CDK6: variants seen among roughly 807,000 people sequenced by gnomAD.
CDK6 encodes the protein cyclin dependent kinase 6, also known as cyclin-dependent kinase 6.
In CDK6, 6 loss-of-function variants were observed where a neutral mutation model predicts 37.1. The ratio of observed to expected loss-of-function variants is 0.16; its 90% CI spans 0.09 to 0.32. The LOEUF is 0.32. Among genes scored for constraint, CDK6 ranks in the 10% least tolerant of loss-of-function variants. The pLI, the probability that CDK6 is intolerant of heterozygous loss-of-function variation, is 1.00. For missense variants in CDK6, 224 were observed against 418.9 expected (o/e 0.53, Z 4.06); for synonymous variants, 160 against 161.3 (o/e 0.99, Z 0.06).
intron 4 of CDK6, among the ~76,000 whole-genome samples, chr7:92,720,213 C>T (rs1480801464): frequency 6.6e-6 from 1 of 152,152 alleles, no homozygotes; most frequent in Non-Finnish European, 1.5e-5. Context: ...AAAAAATATT[C>T]TTTAAAAATG....
chr7:92,691,400 A>C (rs1296636690), intron 4 of CDK6, among the ~76,000 whole-genome samples: 1 of 152,240 alleles, frequency 6.6e-6, no homozygotes, highest in Non-Finnish European at 1.5e-5. Context: ...TACAATAAAA[A>C]TATGACTGCA....
intron 2 of CDK6, among the ~76,000 whole-genome samples, chr7:92,802,437 C>T (rs1376159006): frequency 6.6e-6 from 1 of 152,146 alleles, no homozygotes; most frequent in African/African-American, 2.4e-5. Context: ...ATACATCCTT[C>T]TGGGTTAGCA....
chr7:92,725,450 T>C (rs912658892), intron 4 of CDK6, 176 bp downstream of exon 4: 25 of 692,520 alleles, frequency 3.6e-5, no homozygotes, highest in African/African-American at 3.9e-5. Context: ...TGGATGTGAC[T>C]GTAGCTGTAA....
intron 5 of CDK6, among the ~76,000 whole-genome samples, chr7:92,630,240 AT>A (rs1195081840): frequency 6.6e-6 from 1 of 151,918 alleles, no homozygotes; most frequent in East Asian, 1.9e-4. Flanking sequence ...CCAACTCTTC[AT>A]TTTATATACT....
chr7:92,713,667 T>TAAAA (rs535072218), intron 4 of CDK6, among the ~76,000 whole-genome samples: 6 of 67,192 alleles, frequency 8.9e-5, no homozygotes, highest in Non-Finnish European at 1.3e-4. Flanking sequence ...TTAAAAAAAG[T>TAAAA]AAAAAAAAAA....
At chr7:92,771,285 G>T (rs537630178) in intron 3 of CDK6, among the ~76,000 whole-genome samples, 1 of 138,186 alleles carries the variant, frequency 7.2e-6, no homozygotes, top group Non-Finnish European at 1.5e-5. Context: ...ATGTGACTCC[G>T]TCTCAAAAAA....
At chr7:92,671,844 C>G (rs773555870) in intron 4 of CDK6, among the ~76,000 whole-genome samples, 2 of 151,622 alleles carry the variant, frequency 1.3e-5, no homozygotes, top group Non-Finnish European at 2.9e-5. Flanking sequence ...TTTTCTCCCC[C>G]CCTTTAAGGG....
chr7:92,769,449 C>A (rs768489995), intron 3 of CDK6, among the ~76,000 whole-genome samples: 7 of 152,140 alleles, frequency 4.6e-5, no homozygotes, highest in Non-Finnish European at 1.0e-4. Flanking sequence ...TTTTGTGTGA[C>A]CTTTCAGTGC....
chr7:92,696,572 T>C (rs1269994912), intron 4 of CDK6, among the ~76,000 whole-genome samples: 1 of 152,212 alleles, frequency 6.6e-6, no homozygotes, highest in Non-Finnish European at 1.5e-5. Context: ...ACACAAGATT[T>C]ACTTTGAAAA....
rs531336268 is a variant in CDK6, at chr7:92,606,486, G to C, written c.*8654C>G. Reference sequence around the variant, plus strand: ...AACACTTTAGTGGTAGAAAGGAAGAGATACAGGGGACAGAGATGTAGAGGT... The same window carrying C: ...AACACTTTAGTGGTAGAAAGGAAGACATACAGGGGACAGAGATGTAGAGGT... On this transcript the variant is annotated 3_prime_UTR_variant, in exon 8 of 8. Transcript: ENST00000424848. 7 of 233,402 alleles carry C rather than the reference G, an allele frequency of 3.0e-5. No homozygotes were observed. The highest frequency in any genetic ancestry group is 5.9e-5 in the Non-Finnish European group (7 of 118,146). 14.5% of individuals were successfully genotyped at this position (233,402 alleles called of 1,614,324 possible).
intron 4 of CDK6, among the ~76,000 whole-genome samples, chr7:92,698,668 G>A (rs765444044): frequency 1.3e-5 from 2 of 152,094 alleles, no homozygotes; most frequent in Non-Finnish European, 2.9e-5. Flanking sequence ...CCCTGTCGTC[G>A]GTGTAATTCA....
intron 5 of CDK6, among the ~76,000 whole-genome samples, chr7:92,660,880 T>C (rs929150346): frequency 4.6e-5 from 7 of 152,100 alleles, no homozygotes; most frequent in African/African-American, 9.7e-5. Flanking sequence ...TGTGAGGTGG[T>C]TGGTGGAAGA....
chr7:92,737,691 A>C (rs553786372), intron 3 of CDK6, among the ~76,000 whole-genome samples: 1 of 152,350 alleles, frequency 6.6e-6, no homozygotes, highest in East Asian at 1.9e-4. Context: ...TCAACTTAAC[A>C]AATAAGAACT....
chr7:92,796,604 T>C (rs1008013401), intron 2 of CDK6, among the ~76,000 whole-genome samples: 1 of 152,092 alleles, frequency 6.6e-6, no homozygotes, highest in Non-Finnish European at 1.5e-5. Flanking sequence ...TTGGTAAGAG[T>C]AGGATATTTT....
intron 5 of CDK6, among the ~76,000 whole-genome samples, chr7:92,664,440 T>A (rs564606852): frequency 6.6e-6 from 1 of 152,156 alleles, no homozygotes; most frequent in African/African-American, 2.4e-5. Context: ...CAGTAACCAA[T>A]GGGAAAATTG....
intron 3 of CDK6, among the ~76,000 whole-genome samples, chr7:92,744,261 C>A (rs953215991): frequency 1.3e-5 from 2 of 152,104 alleles, no homozygotes; most frequent in Non-Finnish European, 2.9e-5. Flanking sequence ...GGAGGCCTCA[C>A]AATCATGGCG....
intron 2 of CDK6, among the ~76,000 whole-genome samples, chr7:92,803,548 G>A (rs1230151024): frequency 6.6e-6 from 1 of 152,196 alleles, no homozygotes; most frequent in Non-Finnish European, 1.5e-5. Context: ...AGAGCCATGA[G>A]GGCAGAGTCC....
At chr7:92,686,003 G>C (rs1797442908) in intron 4 of CDK6, among the ~76,000 whole-genome samples, 1 of 152,156 alleles carries the variant, frequency 6.6e-6, no homozygotes, top group African/African-American at 2.4e-5. Context: ...CTATTTTACA[G>C]AATGTGGTGT....
intron 5 of CDK6, among the ~76,000 whole-genome samples, chr7:92,643,978 G>T (rs1796380658): frequency 2.0e-5 from 3 of 152,158 alleles, no homozygotes; most frequent in Admixed American, 1.3e-4. Context: ...AAAGAAATGG[G>T]CCCAGAGGGA....
Sources: allele counts gnomAD v4.1 joint callset (sites outside exome capture counted in the v4.1 genomes callset), GRCh38; gene constraint gnomAD v4.1.1; transcripts MANE v1.5; gene names NCBI Gene and HGNC (gene_info 2026-07-23, HGNC 2026-07-21).